PRKAG2: variants seen among roughly 807,000 people sequenced by gnomAD.
PRKAG2 encodes 5'-AMP-activated protein kinase subunit gamma-2.
Under a neutral mutation model 69.6 loss-of-function variants are expected in PRKAG2, and 26 were observed. The ratio of observed to expected loss-of-function variants is 0.37; its 90% CI spans 0.27 to 0.52. The LOEUF (loss-of-function observed/expected upper bound fraction) is 0.52, where lower values mean the gene tolerates loss of function less well. Among genes scored for constraint, PRKAG2 ranks in the 20% least tolerant of loss-of-function variants. PRKAG2 has a pLI of 0.90. For synonymous variants in PRKAG2, 293 were observed against 285.0 expected, an observed-to-expected ratio of 1.03 and a Z score of -0.28; for missense variants, 557 against 740.0, an observed-to-expected ratio of 0.75 and a Z score of 2.87.
At chr7:151,692,887 G>A (rs1835906685) in intron 3 of PRKAG2, among the ~76,000 whole-genome samples, 1 of 152,158 alleles carries the variant, frequency 6.6e-6, no homozygotes, top group South Asian at 2.1e-4. Flanking sequence ...GGGAGTGCGA[G>A]GGGGAAGGAG....
chr7:151,854,137 A>G (rs1301100167), intron 1 of PRKAG2, among the ~76,000 whole-genome samples: 1 of 152,218 alleles, frequency 6.6e-6, no homozygotes, highest in Admixed American at 6.5e-5. Flanking sequence ...CGGGCCAGAG[A>G]GAAGAAGCCT....
intron 4 of PRKAG2, among the ~76,000 whole-genome samples, chr7:151,664,165 C>A (rs2151436972): frequency 6.6e-6 from 1 of 152,312 alleles, no homozygotes; most frequent in East Asian, 1.9e-4. Flanking sequence ...CGGATCTCTC[C>A]AGAGGTGACG....
chr7:151,866,170 G>A (rs577652016), intron 1 of PRKAG2, among the ~76,000 whole-genome samples: 8 of 152,310 alleles, frequency 5.3e-5, no homozygotes, highest in South Asian at 2.1e-4. Flanking sequence ...AGGGCAAACC[G>A]AAGGGAGGCA....
At chr7:151,865,870 A>G (rs1035717522) in intron 1 of PRKAG2, among the ~76,000 whole-genome samples, 3 of 152,016 alleles carry the variant, frequency 2.0e-5, no homozygotes, top group Admixed American at 6.5e-5. Flanking sequence ...AATACAAAAA[A>G]TTAGCTGGGT....
intron 3 of PRKAG2, among the ~76,000 whole-genome samples, chr7:151,676,187 T>C (rs1451818796): frequency 1.4e-5 from 2 of 142,502 alleles, no homozygotes; most frequent in East Asian, 4.3e-4. Context: ...GTTCGGAAAA[T>C]GTGCAGCAGA....
rs745731601 is a variant in PRKAG2 at position 151,735,848 on chromosome 7, GT to G, written c.466+45303del. The G allele has an allele frequency of 1.1e-3, 1,671 of 1,535,072 alleles. 1 individual carries two copies. The highest frequency in any genetic ancestry group is 1.3e-3 in the Non-Finnish European group (1,489 of 1,146,058). On this transcript the variant is annotated intron_variant, in intron 3 of 15. Coordinates refer to ENST00000287878, the MANE Select transcript of PRKAG2 (RefSeq NM_016203.4). Reference sequence around the variant, plus strand: ...GGAGGGTGTGCACACACGCCGTGGGGTTCCCTCCCAAGGACAGACCACCAGG... The same window carrying G: ...GGAGGGTGTGCACACACGCCGTGGGGTCCCTCCCAAGGACAGACCACCAGG...
At chr7:151,666,235 G>C (rs545215293) in intron 4 of PRKAG2, among the ~76,000 whole-genome samples, 1 of 152,196 alleles carries the variant, frequency 6.6e-6, no homozygotes, top group Non-Finnish European at 1.5e-5. Flanking sequence ...AACCTCCAAT[G>C]TGACTGTATT....
chr7:151,761,985 T>G (rs2075439360), intron 3 of PRKAG2, among the ~76,000 whole-genome samples: 1 of 152,234 alleles, frequency 6.6e-6, no homozygotes, highest in Non-Finnish European at 1.5e-5. Context: ...TTCACTGGCA[T>G]GTGGGAAGGG....
chr7:151,743,521 A>G (rs1267158512), intron 3 of PRKAG2, among the ~76,000 whole-genome samples: 1 of 152,234 alleles, frequency 6.6e-6, no homozygotes, highest in Non-Finnish European at 1.5e-5. Flanking sequence ...GACAACTCGA[A>G]AAAGAAAACA....
rs781515099 is a variant in PRKAG2 at position 151,747,194 on chromosome 7, G to A, written c.466+33958C>T. On this transcript the variant is annotated intron_variant, in intron 3 of 15. Coordinates refer to ENST00000287878, the MANE Select transcript of PRKAG2 (RefSeq NM_016203.4). ...CATAACTCAGTGGCTGCTGCTGGAT[G>A]TGTTGACGCATATAGGGTGATCTAG... 5.3e-4 allele frequency among the ~76,000 whole-genome samples: 80 copies of A among 152,174 alleles called. 2 individuals are homozygous for A. The highest frequency in any genetic ancestry group is 3.3e-3 in the Admixed American group (50 of 15,282).
intron 11 of PRKAG2, among the ~76,000 whole-genome samples, chr7:151,566,201 A>G (rs984754262): frequency 2.0e-5 from 3 of 152,236 alleles, no homozygotes; most frequent in Non-Finnish European, 4.4e-5. Flanking sequence ...TTGGGATATT[A>G]AGACCTGTAA....
At chr7:151,587,780 T>C (rs901927694) in intron 6 of PRKAG2, among the ~76,000 whole-genome samples, 1 of 152,196 alleles carries the variant, frequency 6.6e-6, no homozygotes, top group African/African-American at 2.4e-5. Context: ...CGAGACGTGA[T>C]GGGGTAACCT....
intron 3 of PRKAG2, among the ~76,000 whole-genome samples, chr7:151,686,214 C>T (rs1834713819): frequency 6.6e-6 from 1 of 152,102 alleles, no homozygotes; most frequent in South Asian, 2.1e-4. Flanking sequence ...CCAGGAGGAG[C>T]CTGGGGATGT....
In PRKAG2 at chr7:151,638,138, T is replaced by C. The variant is rs752810035; in HGVS notation, c.685-6000A>G. ...CAGGGAGAACAAAATGGGCCAACCA[T>C]GGCAGGGAGGAACTGGGTTCTGCTA... On this transcript the variant is annotated intron_variant, in intron 4 of 15. Coordinates refer to ENST00000287878, the MANE Select transcript of PRKAG2 (RefSeq NM_016203.4). This position sits in a 1 kb window ranked among gnomAD's most constrained non-coding sequence, Gnocchi z 4.3. Among the ~76,000 whole-genome samples the C allele has an allele frequency of 1.3e-5, 2 of 152,130 alleles. No homozygotes were observed. The highest frequency in any genetic ancestry group is 2.9e-5 in the Non-Finnish European group (2 of 68,008).
At chr7:151,864,026 G>A (rs1422238323) in intron 1 of PRKAG2, among the ~76,000 whole-genome samples, 2 of 152,170 alleles carry the variant, frequency 1.3e-5, no homozygotes, top group Non-Finnish European at 2.9e-5. Flanking sequence ...AGCCTTTCCT[G>A]AGAACTGATA....
At position 151,874,437 on chromosome 7, in the gene PRKAG2, ATATGTATATGTATATGATG is replaced by A. The variant is rs1240182197; in HGVS notation, c.114+2051_114+2069del. ...ATGTATATGTATATGTATATGATGT[ATATGTATATGTATATGATG>A]TATATGTATATGTATATGATGTATA... On this transcript the variant is annotated intron_variant, in intron 1 of 15. Coordinates refer to ENST00000287878, the MANE Select transcript of PRKAG2 (RefSeq NM_016203.4). Among the ~76,000 whole-genome samples the A allele has an allele frequency of 2.1e-3, 82 of 38,920 alleles. 29 individuals carry two copies. Among genetic ancestry groups the A allele is most frequent in the African/African-American group, 5.6e-3 (79 of 14,178 alleles). The allele number at this position is 38,920 out of a possible 152,430, so 25.5% of individuals were successfully genotyped here.
intron 5 of PRKAG2, among the ~76,000 whole-genome samples, chr7:151,618,982 C>T (rs1674759278): frequency 6.6e-6 from 1 of 152,018 alleles, no homozygotes; most frequent in South Asian, 2.1e-4. Context: ...TGCACACACT[C>T]TTCTAAATAA....
At chr7:151,696,794 C>T (rs1295093881) in intron 3 of PRKAG2, among the ~76,000 whole-genome samples, 1 of 152,200 alleles carries the variant, frequency 6.6e-6, no homozygotes, top group Non-Finnish European at 1.5e-5. Context: ...TGAAAAGGGG[C>T]AGCTGAAGGG....
intron 1 of PRKAG2, among the ~76,000 whole-genome samples, chr7:151,847,732 C>T (rs2079467997): frequency 2.6e-5 from 4 of 152,258 alleles, no homozygotes; most frequent in Admixed American, 2.6e-4. Context: ...CTGAGTCTTT[C>T]GAACTGGCTC....
Sources: gnomAD v4.1 joint callset for allele counts (sites outside exome capture counted in the v4.1 genomes callset) on GRCh38, gnomAD v4.1.1 for gene constraint, Gnocchi (gnomAD v3.1) non-coding constraint, MANE v1.5 for transcripts, NCBI Gene and HGNC (gene_info 2026-07-23, HGNC 2026-07-21) for gene names.